The following CTNNA1 variants were observed in gnomAD, a reference collection of about 807,000 sequenced individuals.
CTNNA1 encodes the protein catenin alpha 1.
In CTNNA1, 37 loss-of-function variants were observed where a neutral mutation model predicts 98.4. That is an observed-to-expected ratio of 0.38 (90% CI 0.29 to 0.49). CTNNA1 has a LOEUF of 0.49. Ranked by LOEUF, CTNNA1 falls within the 20% of genes least tolerant of loss-of-function variation. The probability of loss-of-function intolerance (pLI) is 0.95; values close to 1 mark genes in which losing one functional copy is unlikely to be tolerated. For synonymous variants in CTNNA1, 404 were observed against 413.2 expected (o/e 0.98, Z 0.27); for missense variants, 761 against 1,147.2 (o/e 0.66, Z 4.86).
chr5:138,828,235 T>G (rs1335495880), intron 7 of CTNNA1: 5 of 157,198 alleles, frequency 3.2e-5, no homozygotes, highest in Admixed American at 1.2e-4. Flanking sequence ...GTTGTGAAAG[T>G]TTTTTCGTGA....
intron 17 of CTNNA1, chr5:138,933,034 T>TGAGA: frequency 1.3e-6 from 1 of 758,264 alleles, no homozygotes; most frequent in Non-Finnish European, 2.4e-6. Flanking sequence ...CTTGGGAGGC[T>TGAGA]GAGACACAAT....
chr5:138,782,966 ATAAT>A (rs1330083950), intron 2 of CTNNA1, among the ~76,000 whole-genome samples: 10 of 152,224 alleles, frequency 6.6e-5, no homozygotes, highest in Non-Finnish European at 1.2e-4. Flanking sequence ...TATGTGTTAA[ATAAT>A]TCTCTGTACA....
chr5:138,863,732 C>T (rs1054692703), intron 7 of CTNNA1, among the ~76,000 whole-genome samples: 9 of 152,208 alleles, frequency 5.9e-5, no homozygotes, highest in Non-Finnish European at 5.9e-5. Context: ...GTTTAATAAT[C>T]GCAAGGCTGA....
chr5:138,798,221 T>C (rs1295299965), intron 3 of CTNNA1, among the ~76,000 whole-genome samples: 1 of 152,200 alleles, frequency 6.6e-6, no homozygotes, highest in African/African-American at 2.4e-5. Context: ...TTTGCATATA[T>C]TATTTCATTT....
At chr5:138,881,514 CTAGTTTCCCT>C (rs1210057965) in intron 7 of CTNNA1, among the ~76,000 whole-genome samples, 1 of 152,204 alleles carries the variant, frequency 6.6e-6, no homozygotes, top group Non-Finnish European at 1.5e-5. Context: ...CTAAAAGCTG[CTAGTTTCCCT>C]TAGTTTTCAA....
At chr5:138,846,748 T>C (rs908835311) in intron 7 of CTNNA1, among the ~76,000 whole-genome samples, 9 of 152,152 alleles carry the variant, frequency 5.9e-5, no homozygotes, top group Admixed American at 5.9e-4. Flanking sequence ...GATTGCTGAA[T>C]TAAAAATAGT....
chr5:138,754,514 G>A (rs747450678), intron 1 of CTNNA1: 1 of 152,114 alleles, frequency 6.6e-6, no homozygotes. Flanking sequence ...TAAATTCGGG[G>A]CATTTTATAT....
intron 9 of CTNNA1, among the ~76,000 whole-genome samples, chr5:138,898,257 C>G (rs1028956236): frequency 6.6e-6 from 1 of 150,880 alleles, no homozygotes; most frequent in Non-Finnish European, 1.5e-5. Context: ...GAGGCCTCCT[C>G]AGAAGCAGGT....
At position 138,934,982 on chromosome 5, in the gene CTNNA1, GT is replaced by G. The variant is rs1386421255; in HGVS notation, c.*899del. On this transcript the variant is annotated 3_prime_UTR_variant, in exon 18 of 18. Coordinates refer to ENST00000302763, the MANE Select transcript of CTNNA1 (RefSeq NM_001903.5). ...TTAAATTTTATGAATTAATTTGAAT[GT>G]TTTTTACACTAACTAACTTTTCCCA... The G allele has an allele frequency of 6.6e-6, 1 of 152,246 alleles. No individual in the cohort carries two copies. The highest frequency in any genetic ancestry group is 2.4e-5 in the African/African-American group (1 of 41,454). 9.4% of individuals were successfully genotyped at this position (152,246 alleles called of 1,614,324 possible). A position where few individuals can be genotyped will look rare whatever the true frequency, so the allele number is the denominator to read the frequency against.
rs2150349027 is a variant in CTNNA1, at chr5:138,932,585, A to T, written c.2306A>T (p.Asp769Val). ...LGRTIADHCP[D>V]SACKQDLLAY... ...AGCCTGCTCTCTCTTCAGTGCCCCG[A>T]CTCGGCTTGCAAGCAGGACCTGCTG... Residue 769 changes from aspartate to valine, a missense_variant, in exon 17 of 18, where the codon GAC becomes GTC. Asp to Val is a radical substitution (Grantham distance 152). This residue lies in a region of CTNNA1 where 77 missense variants were observed against 198.8 expected (regional missense o/e 0.39). Coordinates refer to ENST00000302763, the MANE Select transcript of CTNNA1 (RefSeq NM_001903.5). The T allele has an allele frequency of 6.2e-7, 1 of 1,613,968 alleles. No homozygotes were observed. The highest frequency in any genetic ancestry group is 8.5e-7 in the Non-Finnish European group (1 of 1,179,990).
At chr5:138,772,107 A>G (rs992775394) in intron 1 of CTNNA1, among the ~76,000 whole-genome samples, 4 of 152,232 alleles carry the variant, frequency 2.6e-5, no homozygotes, top group African/African-American at 9.6e-5. Context: ...TTTGCCAGTT[A>G]TCAGCCCCCT....
chr5:138,882,273 A>C (rs1753074658), intron 7 of CTNNA1, among the ~76,000 whole-genome samples: 1 of 152,166 alleles, frequency 6.6e-6, no homozygotes, highest in Non-Finnish European at 1.5e-5. Context: ...GATGGGTAGG[A>C]GTTGGAAGGA....
At chr5:138,816,103 A>G (rs964024408) in intron 5 of CTNNA1, among the ~76,000 whole-genome samples, 1 of 152,170 alleles carries the variant, frequency 6.6e-6, no homozygotes, top group African/African-American at 2.4e-5. Context: ...TCTATGAGTC[A>G]ACTTCTTAAG....
Position 138,899,160 on chromosome 5 carries a change from G to A in CTNNA1, c.1297-5189G>A, listed in dbSNP as rs180770099. On this transcript the variant is annotated intron_variant, in intron 9 of 17. Transcript: ENST00000302763. Reference sequence around the variant, plus strand: ...TTATGGATCTGATTACACAGGTGGTGGTTTTGCTTATTCTTGCCCAAGACG... The same window carrying A: ...TTATGGATCTGATTACACAGGTGGTAGTTTTGCTTATTCTTGCCCAAGACG... Among the ~76,000 whole-genome samples the A allele has an allele frequency of 2.5e-3, 377 of 152,044 alleles. 5 individuals are homozygous for A. Among genetic ancestry groups the A allele is most frequent in the African/African-American group, 7.1e-3 (296 of 41,468 alleles).
intron 1 of CTNNA1, among the ~76,000 whole-genome samples, chr5:138,773,806 G>T (rs1402214771): frequency 1.3e-5 from 2 of 151,124 alleles, no homozygotes; most frequent in African/African-American, 4.9e-5. Flanking sequence ...CACCTTCTTT[G>T]GCTGAAGCGA....
Position 138,873,204 on chromosome 5 carries a change from T to G in CTNNA1, c.1063-13008T>G. On this transcript the variant is annotated intron_variant, in intron 7 of 17. Transcript: ENST00000302763. The surrounding 1 kb of genome is among the most constrained non-coding windows in gnomAD (Gnocchi z 6.1). ...ACCATTGAGCACTGCCTAATTCTTC[T>G]TAAAGTGGGAGGGCAGCACTTCCTG... 4 of 1,613,972 alleles carry G rather than the reference T, an allele frequency of 2.5e-6. No homozygotes were observed. The highest frequency in any genetic ancestry group is 3.4e-6 in the Non-Finnish European group (4 of 1,179,880).
chr5:138,827,130 A>G (rs1251691535), intron 6 of CTNNA1, among the ~76,000 whole-genome samples: 1 of 152,182 alleles, frequency 6.6e-6, no homozygotes, highest in Non-Finnish European at 1.5e-5. Flanking sequence ...TAAATATCAC[A>G]TGGCAGTTTT....
chr5:138,785,235 G>A (rs1755548975), intron 3 of CTNNA1, among the ~76,000 whole-genome samples: 1 of 151,108 alleles, frequency 6.6e-6, no homozygotes, highest in Admixed American at 6.6e-5. Flanking sequence ...CTAATTTTTT[G>A]TATTTTTAGT....
rs1450414864 is a variant in CTNNA1 at position 138,886,200 on chromosome 5, C to T, written c.1063-12C>T. On this transcript the variant is annotated splice_polypyrimidine_tract_variant and intron_variant, in intron 7 of 17. Coordinates refer to ENST00000302763, the MANE Select transcript of CTNNA1 (RefSeq NM_001903.5). ...AATGAATAAAATGCTCATCTCTTTT[C>T]CTTTTATCCAGGCTGGACGTAAAGA... The T allele has an allele frequency of 6.2e-7, 1 of 1,605,874 alleles. No homozygotes were observed. Among genetic ancestry groups the T allele is most frequent in the Non-Finnish European group, 8.5e-7 (1 of 1,177,338 alleles).
Sources: gnomAD v4.1 joint callset for allele counts (sites outside exome capture counted in the v4.1 genomes callset) on GRCh38, gnomAD v4.1.1 for gene constraint, gnomAD v4.1.1 regional missense constraint, Gnocchi (gnomAD v3.1) non-coding constraint, MANE v1.5 for transcripts, NCBI Gene and HGNC (gene_info 2026-07-23, HGNC 2026-07-21) for gene names.